ETV6: variants seen among roughly 807,000 people sequenced by gnomAD.
ETV6 encodes ETS variant transcription factor 6, also known as transcription factor ETV6.
Under a neutral mutation model 51.1 loss-of-function variants are expected in ETV6, and 16 were observed. The observed-to-expected ratio is 0.31, with a 90% CI of 0.21 to 0.48. The LOEUF is 0.48. ETV6 is among the 20% of genes least tolerant of loss of function. ETV6 has a pLI of 0.99. For missense variants in ETV6, 458 were observed against 594.8 expected (o/e 0.77, Z 2.39); for synonymous variants, 240 against 224.1 (o/e 1.07, Z -0.64).
intron 2 of ETV6, among the ~76,000 whole-genome samples, chr12:11,835,421 GT>G (rs1365235493): frequency 6.6e-6 from 1 of 152,056 alleles, no homozygotes; most frequent in Non-Finnish European, 1.5e-5. Context: ...TTGAATTAAA[GT>G]TGCAAGAGAT....
chr12:11,880,251 T>C (rs1947069208), intron 5 of ETV6, among the ~76,000 whole-genome samples: 1 of 152,230 alleles, frequency 6.6e-6, no homozygotes, highest in South Asian at 2.1e-4. Context: ...CGTATTTTTA[T>C]TACTCAGCTA....
chr12:11,729,338 G>C (rs1865550595), intron 1 of ETV6, among the ~76,000 whole-genome samples: 1 of 152,096 alleles, frequency 6.6e-6, no homozygotes, highest in Admixed American at 6.6e-5. Flanking sequence ...AGAATTGAAG[G>C]CCTGTTCAAA....
intron 1 of ETV6, among the ~76,000 whole-genome samples, chr12:11,653,235 C>T (rs1178488226): frequency 1.3e-5 from 2 of 152,210 alleles, no homozygotes; most frequent in Non-Finnish European, 2.9e-5. Context: ...AAGAGGCTGT[C>T]TTTTCCATCA....
At chr12:11,750,712 A>G in intron 1 of ETV6, 3 of 383,362 alleles carry the variant, frequency 7.8e-6, no homozygotes, top group Non-Finnish European at 1.5e-5. Flanking sequence ...AATTCTAAAA[A>G]CAGACTGTTT....
chr12:11,758,213 T>A (rs1207534743), intron 2 of ETV6, among the ~76,000 whole-genome samples: 4 of 152,232 alleles, frequency 2.6e-5, no homozygotes, highest in African/African-American at 7.2e-5. Flanking sequence ...ATTTAACCTC[T>A]CTAAGACTCA....
At chr12:11,861,788 G>A (rs1351311526) in intron 4 of ETV6, among the ~76,000 whole-genome samples, 3 of 152,132 alleles carry the variant, frequency 2.0e-5, no homozygotes, top group East Asian at 1.9e-4. Flanking sequence ...CCACTCCAGG[G>A]CCTCTCTGCC....
At chr12:11,764,518 G>A (rs931031702) in intron 2 of ETV6, among the ~76,000 whole-genome samples, 6 of 152,218 alleles carry the variant, frequency 3.9e-5, no homozygotes, top group Admixed American at 1.3e-4. Flanking sequence ...GTGAATTTGG[G>A]AGTATAAATC....
intron 2 of ETV6, among the ~76,000 whole-genome samples, chr12:11,759,751 A>G (rs1945057131): frequency 7.2e-6 from 1 of 138,998 alleles, no homozygotes. Context: ...GCTTTCTGGC[A>G]GGTGTGATAA....
rs79092056 is a variant in ETV6, at chr12:11,652,909, C to T, written c.33+2749C>T. On this transcript the variant is annotated intron_variant, in intron 1 of 7. Transcript: ENST00000396373. Reference sequence around the variant, plus strand: ...GCACTGTGTAAGTTTGCTCCCATCGCCTGGGGAAGTTAATATCAGACACAC... The same window carrying T: ...GCACTGTGTAAGTTTGCTCCCATCGTCTGGGGAAGTTAATATCAGACACAC... Among the ~76,000 whole-genome samples, 1,085 of 152,202 alleles carry T rather than the reference C, an allele frequency of 7.1e-3. 11 individuals carry two copies. The highest frequency in any genetic ancestry group is 0.024 in the African/African-American group (991 of 41,506).
chr12:11,803,816 C>T (rs1945787954), intron 2 of ETV6, among the ~76,000 whole-genome samples: 1 of 152,110 alleles, frequency 6.6e-6, no homozygotes, highest in South Asian at 2.1e-4. Context: ...CTAGTCAGCA[C>T]CTTTTGTCTT....
intron 3 of ETV6, among the ~76,000 whole-genome samples, chr12:11,849,296 A>T (rs1248668506): frequency 6.6e-6 from 1 of 151,936 alleles, no homozygotes; most frequent in Non-Finnish European, 1.5e-5. Flanking sequence ...TTTTTTGTAG[A>T]GATGGGGATC....
chr12:11,820,246 C>T (rs1356173357), intron 2 of ETV6, among the ~76,000 whole-genome samples: 1 of 152,156 alleles, frequency 6.6e-6, no homozygotes, highest in African/African-American at 2.4e-5. Context: ...CTCCTTAGCA[C>T]CATGCTGCAC....
rs1947362399 is a variant in ETV6 at position 11,894,519 on chromosome 12, A to G, written c.*3473A>G. ...GTATCCCCACAGAAAAAGAGGAATA[A>G]TAGACCAATGGATTTTCTCCTTTCA... is the stretch of plus-strand genomic sequence containing the variant. On this transcript the variant is annotated 3_prime_UTR_variant, in exon 8 of 8. Transcript: ENST00000396373. 4.3e-6 allele frequency: 1 copy of G among 233,178 alleles called. No homozygotes were observed. The highest frequency in any genetic ancestry group is 8.5e-6 in the Non-Finnish European group (1 of 118,038). 14.4% of individuals were successfully genotyped at this position (233,178 alleles called of 1,614,324 possible).
At chr12:11,679,449 C>T (rs545254244) in intron 1 of ETV6, among the ~76,000 whole-genome samples, 2 of 152,284 alleles carry the variant, frequency 1.3e-5, no homozygotes, top group African/African-American at 4.8e-5. Context: ...ATTTCTTCTT[C>T]GGTAAAGCTT....
At chr12:11,651,792 C>T (rs1033991309) in intron 1 of ETV6, among the ~76,000 whole-genome samples, 5 of 152,060 alleles carry the variant, frequency 3.3e-5, no homozygotes, top group African/African-American at 9.7e-5. Flanking sequence ...GCAATAAACC[C>T]GACATCAGGA....
Position 11,770,988 on chromosome 12 carries a change from C to T in ETV6, c.163+18409C>T, listed in dbSNP as rs546867426. ...GGCCTTGCCTAGTGATTTTGACATG[C>T]TTTAACTTGTGACCAACATCTAGTC... On this transcript the variant is annotated intron_variant, in intron 2 of 7. Transcript: ENST00000396373. Among the ~76,000 whole-genome samples the T allele has an allele frequency of 2.8e-4, 43 of 152,274 alleles. 1 individual carries two copies. The South Asian group carries it at 8.9e-3, about 32-fold the overall frequency.
rs547786967 is a variant in ETV6 at position 11,891,605 on chromosome 12, A to G, written c.*559A>G. On this transcript the variant is annotated 3_prime_UTR_variant, in exon 8 of 8. Coordinates refer to ENST00000396373, the MANE Select transcript of ETV6 (RefSeq NM_001987.5). ...GTTACTGTTGGGTCTTGGCTGAAAA[A>G]AAAAAATGCTTTTAAAAAAGATAAA... The G allele has an allele frequency of 5.7e-6, 3 of 530,524 alleles. No individual in the cohort carries two copies. The East Asian group carries it at 1.2e-4, about 21-fold the overall frequency. 32.9% of individuals were successfully genotyped at this position (530,524 alleles called of 1,614,324 possible).
At position 11,752,452 on chromosome 12, in the gene ETV6, G is replaced by A. The variant is rs757789814; in HGVS notation, c.36G>A (p.Gln12=). The A allele has an allele frequency of 6.2e-7, 1 of 1,609,614 alleles. No individual in the cohort carries two copies. The highest frequency in any genetic ancestry group is 8.5e-7 in the Non-Finnish European group (1 of 1,176,904). ...SETPAQCSIK[Q]ERISYTPPES... ...CTTCCTGCCCTTATTTTTAACAGCA[G>A]GAACGAATTTCATATACACCTCCAG... Residue 12 remains glutamine, a splice_region_variant and synonymous_variant, in exon 2 of 8, where the codon CAG becomes CAA. Transcript: ENST00000396373.
chr12:11,853,377 TG>T, intron 3 of ETV6, 49 bp from the exon 4 acceptor site: 2 of 1,611,508 alleles, frequency 1.2e-6, no homozygotes. Context: ...AGATCGTTGT[TG>T]GAAAAACATC....
Sources: gnomAD v4.1 joint callset for allele counts (sites outside exome capture counted in the v4.1 genomes callset) on GRCh38, gnomAD v4.1.1 for gene constraint, MANE v1.5 for transcripts, NCBI Gene and HGNC (gene_info 2026-07-23, HGNC 2026-07-21) for gene names.